Variants in MCTP1 observed in about 807,000 individuals in gnomAD.
MCTP1 encodes multiple C2 and transmembrane domain-containing protein 1.
A neutral mutation model predicts 120.6 loss-of-function variants in MCTP1; 69 were observed. The ratio of observed to expected loss-of-function variants is 0.57; its 90% CI spans 0.47 to 0.70. The LOEUF is 0.70. Ranked by LOEUF, MCTP1 falls within the 30% of genes least tolerant of loss-of-function variation. The probability of loss-of-function intolerance (pLI) is 0.00; values close to 1 mark genes in which losing one functional copy is unlikely to be tolerated. For missense variants in MCTP1, 1,203 were observed against 1,248.8 expected (o/e 0.96, Z 0.55); for synonymous variants, 529 against 493.1 (o/e 1.07, Z -0.96).
intron 1 of MCTP1, among the ~76,000 whole-genome samples, chr5:95,133,351 C>T (rs1035311939): frequency 6.6e-6 from 1 of 152,144 alleles, no homozygotes; most frequent in Non-Finnish European, 1.5e-5. Flanking sequence ...TTAGCAATAA[C>T]TAATAATAAA....
At chr5:95,247,886 T>A (rs554811214) in intron 1 of MCTP1, among the ~76,000 whole-genome samples, 14 of 152,096 alleles carry the variant, frequency 9.2e-5, no homozygotes. Flanking sequence ...GGGTATAGAG[T>A]TCTGTAGATA....
At chr5:94,895,529 A>G (rs914434405) in intron 10 of MCTP1, among the ~76,000 whole-genome samples, 4 of 152,216 alleles carry the variant, frequency 2.6e-5, no homozygotes, top group African/African-American at 7.2e-5. Flanking sequence ...AGAGAAAGGT[A>G]ATATGGTGAC....
In MCTP1 at chr5:95,028,257, G is replaced by A. The variant is rs559610415; in HGVS notation, c.721-10773C>T. Among the ~76,000 whole-genome samples the A allele has an allele frequency of 3.0e-4, 45 of 152,260 alleles. No homozygotes were observed. In the Middle Eastern group the frequency reaches 0.01, roughly 35 times the overall value. ...AAACAAAACTGTCCCAGGTAAACTA[G>A]AATGCATGGTTATAATGGTAAGTTA... On this transcript the variant is annotated intron_variant, in intron 1 of 22. Transcript: ENST00000515393.
At chr5:95,002,199 A>G (rs1294761700) in intron 2 of MCTP1, among the ~76,000 whole-genome samples, 2 of 152,266 alleles carry the variant, frequency 1.3e-5, no homozygotes, top group African/African-American at 4.8e-5. Flanking sequence ...ATGTCCAGGC[A>G]GAAGTTTGCT....
intron 1 of MCTP1, among the ~76,000 whole-genome samples, chr5:95,071,498 C>A (rs1355682200): frequency 1.3e-5 from 2 of 152,192 alleles, no homozygotes; most frequent in Non-Finnish European, 2.9e-5. Context: ...TTAACTTCCC[C>A]TTTTATTCTC....
chr5:94,882,444 T>G (rs1043784789), intron 12 of MCTP1, among the ~76,000 whole-genome samples: 1 of 152,170 alleles, frequency 6.6e-6, no homozygotes, highest in African/African-American at 2.4e-5. Context: ...AAAAATCTAG[T>G]TAAATCTAGA....
At chr5:95,106,796 G>A (rs1420314737) in intron 1 of MCTP1, among the ~76,000 whole-genome samples, 3 of 152,192 alleles carry the variant, frequency 2.0e-5, no homozygotes, top group Non-Finnish European at 4.4e-5. Flanking sequence ...ATGGTTCACA[G>A]ATGTCTGCGT....
intron 1 of MCTP1, among the ~76,000 whole-genome samples, chr5:95,250,013 G>T (rs1219493617): frequency 6.6e-6 from 1 of 152,150 alleles, no homozygotes; most frequent in African/African-American, 2.4e-5. Flanking sequence ...GTGGGAGAGT[G>T]GGGGCCTGGG....
At chr5:95,033,415 G>A (rs1353780885) in intron 1 of MCTP1, among the ~76,000 whole-genome samples, 1 of 152,014 alleles carries the variant, frequency 6.6e-6, no homozygotes, top group Non-Finnish European at 1.5e-5. Flanking sequence ...ATGCAAAGAT[G>A]ATTTCCACAT....
intron 2 of MCTP1, among the ~76,000 whole-genome samples, chr5:94,988,346 A>G (rs1830792623): frequency 6.6e-6 from 1 of 152,092 alleles, no homozygotes; most frequent in African/African-American, 2.4e-5. Flanking sequence ...AAAGCTTCAC[A>G]GAATAGCAGT....
intron 19 of MCTP1, among the ~76,000 whole-genome samples, chr5:94,771,107 T>G (rs1236389959): frequency 6.6e-6 from 1 of 152,218 alleles, no homozygotes; most frequent in Non-Finnish European, 1.5e-5. Flanking sequence ...AACATTATTT[T>G]TTACTTGTAA....
intron 1 of MCTP1, among the ~76,000 whole-genome samples, chr5:95,221,946 T>C (rs1429037377): frequency 2.0e-5 from 3 of 152,200 alleles, no homozygotes; most frequent in African/African-American, 7.2e-5. Context: ...ACACAGAAAA[T>C]TGTTTTACAA....
chr5:94,966,356 C>T (rs1422039942), intron 2 of MCTP1, among the ~76,000 whole-genome samples: 1 of 152,100 alleles, frequency 6.6e-6, no homozygotes, highest in Non-Finnish European at 1.5e-5. Context: ...CGTATAATAC[C>T]ACTATTGACA....
intron 1 of MCTP1, among the ~76,000 whole-genome samples, chr5:95,162,930 A>G (rs542392650): frequency 5.9e-5 from 9 of 152,314 alleles, no homozygotes; most frequent in African/African-American, 2.2e-4. Flanking sequence ...TATCTAAAGG[A>G]TGGCCTAAAT....
At chr5:94,984,985 C>T (rs569023698) in intron 2 of MCTP1, among the ~76,000 whole-genome samples, 2 of 151,820 alleles carry the variant, frequency 1.3e-5, no homozygotes, top group South Asian at 4.2e-4. Context: ...ATAAAATATC[C>T]AAGGCATTTT....
intron 1 of MCTP1, among the ~76,000 whole-genome samples, chr5:95,148,784 A>G (rs1235889607): frequency 1.3e-5 from 2 of 152,022 alleles, no homozygotes; most frequent in African/African-American, 4.8e-5. Flanking sequence ...TCCTGTGTTG[A>G]TTCTTTCTCA....
chr5:95,067,214 T>C (rs921976574), intron 1 of MCTP1, among the ~76,000 whole-genome samples: 14 of 152,180 alleles, frequency 9.2e-5, no homozygotes, highest in East Asian at 5.8e-4. Flanking sequence ...TGGAATTCTA[T>C]TGCACAGCAG....
chr5:95,154,511 G>A (rs1267865357), intron 1 of MCTP1, among the ~76,000 whole-genome samples: 1 of 152,174 alleles, frequency 6.6e-6, no homozygotes, highest in African/African-American at 2.4e-5. Context: ...TAATGAGCAA[G>A]AGAGCTGCCT....
intron 1 of MCTP1, among the ~76,000 whole-genome samples, chr5:95,064,298 C>T (rs966254161): frequency 6.6e-6 from 1 of 152,158 alleles, no homozygotes; most frequent in Non-Finnish European, 1.5e-5. Flanking sequence ...AATAACCACC[C>T]TCAATCCAGA....
Sources: gnomAD v4.1 joint callset for allele counts (sites outside exome capture counted in the v4.1 genomes callset) on GRCh38, gnomAD v4.1.1 for gene constraint, MANE v1.5 for transcripts, NCBI Gene and HGNC (gene_info 2026-07-23, HGNC 2026-07-21) for gene names.